ALCAM: variants seen among roughly 807,000 people sequenced by gnomAD.
ALCAM encodes CD166 antigen.
In ALCAM, 30 loss-of-function variants were observed where a neutral mutation model predicts 70.9. The observed-to-expected ratio is 0.42, with a 90% CI of 0.32 to 0.57. The LOEUF is 0.57. Among genes scored for constraint, ALCAM ranks in the 20% least tolerant of loss-of-function variants. The probability of loss-of-function intolerance (pLI) is 0.11; values close to 1 mark genes in which losing one functional copy is unlikely to be tolerated. For missense variants in ALCAM, 591 were observed against 695.1 expected (o/e 0.85, Z 1.68); for synonymous variants, 249 against 242.5 (o/e 1.03, Z -0.25).
At chr3:105,416,736 T>TTTCTTCCTTGAATTACTGATAAC (rs1936516332) in intron 1 of ALCAM, among the ~76,000 whole-genome samples, 1 of 152,024 alleles carries the variant, frequency 6.6e-6, no homozygotes, top group East Asian at 1.9e-4. Context: ...GCCACCATCA[T>TTTCTTCCTTGAATTACTGATAAC]TTCTTCCTTG....
chr3:105,411,285 G>A (rs1482302302), intron 1 of ALCAM, among the ~76,000 whole-genome samples: 1 of 152,092 alleles, frequency 6.6e-6, no homozygotes, highest in African/African-American at 2.4e-5. Context: ...GGAGTTAGGA[G>A]GAGGTTATCC....
chr3:105,381,035 T>C lies in ALCAM; in HGVS notation c.73+13554T>C, dbSNP rs139626162. On this transcript the variant is annotated intron_variant, in intron 1 of 15. Transcript: ENST00000306107. ...GTGTCTCCTTTCTCCAGTTTCCCAG[T>C]TGGGTGGCATTGGGGAAGTTGCTTA... Among the ~76,000 whole-genome samples the C allele has an allele frequency of 9.1e-3, 1,385 of 152,014 alleles. 11 individuals carry two copies. Among genetic ancestry groups the C allele is most frequent in the African/African-American group, 0.017 (716 of 41,500 alleles).
At position 105,466,644 on chromosome 3, in the gene ALCAM, G is replaced by C. The variant is rs146612603; in HGVS notation, c.74-53423G>C. 2.5e-3 allele frequency among the ~76,000 whole-genome samples: 374 copies of C among 151,504 alleles called. 1 individual carries two copies. The highest frequency in any genetic ancestry group is 0.017 in the Middle Eastern group (5 of 294). On this transcript the variant is annotated intron_variant, in intron 1 of 15. Transcript: ENST00000306107. ...GAGGTGACTGTACTCTGGTATCCCT[G>C]AGACATGCAGAATTAAAAGGTTATA...
intron 1 of ALCAM, among the ~76,000 whole-genome samples, chr3:105,444,079 A>G: frequency 6.6e-6 from 1 of 152,220 alleles, no homozygotes; most frequent in Non-Finnish European, 1.5e-5. Context: ...ATCATAGAGC[A>G]AGAAATGCCT....
At chr3:105,462,924 A>G (rs1233778712) in intron 1 of ALCAM, among the ~76,000 whole-genome samples, 2 of 151,452 alleles carry the variant, frequency 1.3e-5, no homozygotes, top group Non-Finnish European at 3.0e-5. Context: ...CATACGGAAT[A>G]TTAGCTATGC....
At chr3:105,573,032 A>G (rs950234028) in intron 15 of ALCAM, among the ~76,000 whole-genome samples, 1 of 152,176 alleles carries the variant, frequency 6.6e-6, no homozygotes, top group East Asian at 1.9e-4. Flanking sequence ...AAAATATGAA[A>G]ATTTTAGGCC....
intron 1 of ALCAM, among the ~76,000 whole-genome samples, chr3:105,481,053 T>G (rs1312338389): frequency 6.6e-6 from 1 of 152,072 alleles, no homozygotes; most frequent in African/African-American, 2.4e-5. Context: ...CCTTGGGATA[T>G]AAGAAGGTTT....
intron 1 of ALCAM, among the ~76,000 whole-genome samples, chr3:105,502,277 A>G (rs1423907495): frequency 2.6e-5 from 4 of 152,268 alleles, no homozygotes; most frequent in East Asian, 1.9e-4. Context: ...GTCTCTTTAC[A>G]CTAGTGTTCT....
chr3:105,459,907 G>A (rs1279355481), intron 1 of ALCAM, among the ~76,000 whole-genome samples: 1 of 152,022 alleles, frequency 6.6e-6, no homozygotes. Context: ...TGGGACAGCA[G>A]GCTGTGGAAG....
chr3:105,393,871 T>C (rs1935884165), intron 1 of ALCAM, among the ~76,000 whole-genome samples: 1 of 150,998 alleles, frequency 6.6e-6, no homozygotes, highest in South Asian at 2.1e-4. Context: ...CTATTATTTA[T>C]TTCCATGAAG....
chr3:105,467,824 T>G (rs1937792040), intron 1 of ALCAM, among the ~76,000 whole-genome samples: 1 of 151,214 alleles, frequency 6.6e-6, no homozygotes, highest in African/African-American at 2.4e-5. Flanking sequence ...TTTTGCAAAA[T>G]AGCACTGTGG....
intron 1 of ALCAM, among the ~76,000 whole-genome samples, chr3:105,488,673 G>C (rs905108966): frequency 1.3e-5 from 2 of 150,054 alleles, no homozygotes; most frequent in African/African-American, 4.9e-5. Flanking sequence ...GAAGGGAAGG[G>C]GAAGGGAAGG....
At chr3:105,437,990 A>G (rs1286809167) in intron 1 of ALCAM, among the ~76,000 whole-genome samples, 1 of 152,162 alleles carries the variant, frequency 6.6e-6, no homozygotes, top group African/African-American at 2.4e-5. Flanking sequence ...TAAATAAATA[A>G]GTCTCTAAAC....
At chr3:105,395,527 T>G (rs769579515) in intron 1 of ALCAM, among the ~76,000 whole-genome samples, 1 of 152,046 alleles carries the variant, frequency 6.6e-6, no homozygotes, top group Non-Finnish European at 1.5e-5. Context: ...CCATTTTAGA[T>G]TATTCCCATG....
At chr3:105,409,189 G>T (rs552071269) in intron 1 of ALCAM, among the ~76,000 whole-genome samples, 2 of 151,902 alleles carry the variant, frequency 1.3e-5, no homozygotes, top group Non-Finnish European at 2.9e-5. Flanking sequence ...CAGCAATCCC[G>T]CCACTAGGTA....
intron 1 of ALCAM, among the ~76,000 whole-genome samples, chr3:105,505,446 G>A (rs909086915): frequency 2.6e-5 from 4 of 152,058 alleles, no homozygotes; most frequent in African/African-American, 7.2e-5. Context: ...GGAAATCCAC[G>A]CCCATAATCC....
At position 105,444,520 on chromosome 3, in the gene ALCAM, T is replaced by C. The variant is rs1344230276; in HGVS notation, c.74-75547T>C. Among the ~76,000 whole-genome samples the C allele has an allele frequency of 2.6e-5, 4 of 152,140 alleles. No homozygotes were observed. The East Asian group carries it at 7.7e-4, about 29-fold the overall frequency. On this transcript the variant is annotated intron_variant, in intron 1 of 15. Transcript: ENST00000306107. ...GGATTATGGGGATTACAATTTGCAGTGAGATTTGGTTGGGGACACAGAGCC... is the reference window on the plus strand; with the variant it reads ...GGATTATGGGGATTACAATTTGCAGCGAGATTTGGTTGGGGACACAGAGCC...
chr3:105,429,239 CA>C (rs1936867925), intron 1 of ALCAM, among the ~76,000 whole-genome samples: 1 of 151,912 alleles, frequency 6.6e-6, no homozygotes, highest in South Asian at 2.1e-4. Context: ...CTGCCCAAAG[CA>C]AATACACTGG....
chr3:105,427,398 A>T (rs1936817031), intron 1 of ALCAM, among the ~76,000 whole-genome samples: 2 of 151,996 alleles, frequency 1.3e-5, no homozygotes, highest in Admixed American at 1.3e-4. Context: ...AGGAAAGAAG[A>T]GTTGGCAGTG....
Sources: allele counts gnomAD v4.1 joint callset (sites outside exome capture counted in the v4.1 genomes callset), GRCh38; gene constraint gnomAD v4.1.1; transcripts MANE v1.5; gene names NCBI Gene and HGNC (gene_info 2026-07-23, HGNC 2026-07-21).